The following IL4I1 variants were observed in gnomAD, a reference collection of about 807,000 sequenced individuals.
IL4I1 encodes interleukin 4 induced 1, also known as L-amino-acid oxidase.
IL4I1 carries 24 observed loss-of-function variants against 29.7 expected under a neutral mutation model. That is an observed-to-expected ratio of 0.81 (90% CI 0.59 to 1.14). The LOEUF (loss-of-function observed/expected upper bound fraction) is 1.14. Among genes scored for constraint, IL4I1 ranks in the 50% most tolerant of loss-of-function variants. IL4I1 has a pLI of 0.00. For missense variants in IL4I1, 686 were observed against 785.6 expected (o/e 0.87, Z 1.52); for synonymous variants, 371 against 352.5 (o/e 1.05, Z -0.59).
intron 2 of IL4I1, among the ~76,000 whole-genome samples, chr19:49,911,836 T>G (rs932779943): frequency 1.3e-5 from 2 of 152,112 alleles, no homozygotes; most frequent in Non-Finnish European, 2.9e-5. Flanking sequence ...CTGAGAAAGG[T>G]CTCTTCAAGA....
intron 5 of IL4I1, among the ~76,000 whole-genome samples, chr19:49,892,228 C>A (rs772825845): frequency 1.3e-5 from 2 of 151,928 alleles, no homozygotes; most frequent in African/African-American, 4.8e-5. Flanking sequence ...ATTACAGGCG[C>A]CTGCCACCAC....
Position 49,896,067 on chromosome 19 carries a change from G to A in IL4I1, c.14-14C>T, listed in dbSNP as rs538248911. On this transcript the variant is annotated splice_polypyrimidine_tract_variant and intron_variant, in intron 2 of 7. Coordinates refer to ENST00000391826, the MANE Select transcript of IL4I1 (RefSeq NM_152899.2). ...GGAGGTGCAGGGCTGGGAGGAGGAG[G>A]ACAGGGTCAACGGGGTTGTGGCAGG... 25 of 1,612,118 alleles carry A rather than the reference G, an allele frequency of 1.6e-5. No individual in the cohort carries two copies. In the South Asian group the frequency reaches 2.4e-4, roughly 16 times the overall value.
chr19:49,891,514 C>T (rs763394399), intron 5 of IL4I1, 41 bp from the exon 6 acceptor site: 2 of 1,592,514 alleles, frequency 1.3e-6, no homozygotes, highest in Non-Finnish European at 1.7e-6. Context: ...GCTGCCCGGG[C>T]AGCCAGGGTG....
intron 2 of IL4I1, chr19:49,908,617 C>T (rs201615834): frequency 1.2e-6 from 2 of 1,613,670 alleles, no homozygotes; most frequent in Non-Finnish European, 1.7e-6. Flanking sequence ...TCTGCTGGGA[C>T]AGGATGAAGT....
rs546844545 is a variant in IL4I1, at chr19:49,909,038, C to A, written c.-227-4717G>T. The A allele has an allele frequency of 8.1e-6, 13 of 1,613,126 alleles. No individual in the cohort carries two copies. In the African/African-American group the frequency reaches 1.1e-4, roughly 13 times the overall value. ...GGAAGCTGCTCCAGGTGCCTTTAAGCTGAAGCCCTGTGTCCCAGCAGTGGG... is the reference window on the plus strand; with the variant it reads ...GGAAGCTGCTCCAGGTGCCTTTAAGATGAAGCCCTGTGTCCCAGCAGTGGG... On this transcript the variant is annotated intron_variant, in intron 2 of 9. Coordinates refer to the IL4I1 transcript ENST00000341114.
chr19:49,908,300 G>A (rs2075368524), intron 2 of IL4I1: 3 of 1,613,886 alleles, frequency 1.9e-6, no homozygotes, highest in Non-Finnish European at 2.5e-6. Flanking sequence ...GCACACCTTG[G>A]TCACCTCCTC....
chr19:49,895,109 C>A lies in IL4I1; in HGVS notation c.324G>T (p.Trp108Cys). The A allele has an allele frequency of 6.2e-7, 1 of 1,613,870 alleles. No individual in the cohort carries two copies. Among genetic ancestry groups the A allele is most frequent in the Non-Finnish European group, 8.5e-7 (1 of 1,179,850 alleles). Residue 108 changes from tryptophan (W) to cysteine (C), a missense_variant, in exon 4 of 8, where the codon TGG (tryptophan) becomes TGT (cysteine). Transcript: ENST00000391826. ...TGCGCATGGCTCCCAGCTCCCCAAT[C>A]CAGCCCGTGTTCTGGTCCCGGTAGG... ...IFTYRDQNTG[W>C]IGELGAMRMP...
intron 2 of IL4I1, among the ~76,000 whole-genome samples, chr19:49,906,432 G>C (rs2075324845): frequency 6.6e-6 from 1 of 152,078 alleles, no homozygotes; most frequent in Non-Finnish European, 1.5e-5. Context: ...GGCTGGTCTT[G>C]AATCCCTGAC....
chr19:49,909,547 T>G, intron 2 of IL4I1: 1 of 1,613,868 alleles, frequency 6.2e-7, no homozygotes, highest in South Asian at 1.1e-5. Flanking sequence ...CCAAAGAAAA[T>G]CCAGTTCCCC....
At chr19:49,903,830 G>GT (rs113175852) in intron 3 of IL4I1, among the ~76,000 whole-genome samples, 12,996 of 66,234 alleles carry the variant, frequency 0.2, 3,574 homozygotes, top group South Asian at 0.34. Context: ...TATGTGCTGG[G>GT]TTTTTTTTTT....
chr19:49,907,175 G>A (rs897388579), intron 2 of IL4I1: 7 of 172,280 alleles, frequency 4.1e-5, no homozygotes, highest in Non-Finnish European at 2.5e-5. Flanking sequence ...ACAGCGAGAC[G>A]AGGCACAAAC....
intron 2 of IL4I1, among the ~76,000 whole-genome samples, chr19:49,915,162 G>A (rs1219854816): frequency 6.6e-6 from 1 of 152,094 alleles, no homozygotes; most frequent in African/African-American, 2.4e-5. Context: ...GTGTGTGGGG[G>A]GGTAGACAGA....
intron 2 of IL4I1, chr19:49,904,347 T>A (rs2075296820): frequency 6.6e-6 from 1 of 152,170 alleles, no homozygotes; most frequent in Non-Finnish European, 1.5e-5. Flanking sequence ...GAAATTACGA[T>A]GGAGCCATCA....
chr19:49,892,625 A>G (rs1458175915), intron 5 of IL4I1, among the ~76,000 whole-genome samples: 1 of 152,020 alleles, frequency 6.6e-6, no homozygotes, highest in Non-Finnish European at 1.5e-5. Flanking sequence ...CTTTGTTCGA[A>G]TCTCACCCCC....
Position 49,916,840 on chromosome 19 carries a change from G to A in IL4I1, c.-228+10854C>T, listed in dbSNP as rs1455183387. ...CCAGATAGAGGTGGGAGGATGACTT[G>A]AGCCCAGGAGTTTGAGGCTGCAGTG... On this transcript the variant is annotated intron_variant, in intron 2 of 9. Transcript: ENST00000341114. Among the ~76,000 whole-genome samples the A allele has an allele frequency of 3.3e-5, 5 of 152,186 alleles. No individual in the cohort carries two copies. The East Asian group carries it at 9.7e-4, about 29-fold the overall frequency.
intron 2 of IL4I1, chr19:49,907,901 T>C (rs1044276): frequency 0.19 from 81,673 of 424,726 alleles, 8,956 homozygotes; most frequent in South Asian, 0.26. Flanking sequence ...AGAGAGTGGC[T>C]GCCCCCACGA....
chr19:49,909,823 T>C (rs1185894508), intron 2 of IL4I1: 11 of 1,613,192 alleles, frequency 6.8e-6, no homozygotes, highest in Non-Finnish European at 8.5e-6. Flanking sequence ...CGGACTCTGG[T>C]GGCGGCAGCT....
At position 49,895,100 on chromosome 19, in the gene IL4I1, C is replaced by T. The variant is rs936401845; in HGVS notation, c.333G>A (p.Glu111=). 1 of 1,613,758 alleles carries T rather than the reference C, an allele frequency of 6.2e-7. No homozygotes were observed. Among genetic ancestry groups the T allele is most frequent in the South Asian group, 1.1e-5 (1 of 91,080 alleles). The change falls in exon 4 of 8, where the codon GAG becomes GAA. Residue 111 remains glutamate (E), a synonymous_variant. Coordinates refer to ENST00000391826, the MANE Select transcript of IL4I1 (RefSeq NM_152899.2). ...AGCTGGGCATGCGCATGGCTCCCAG[C>T]TCCCCAATCCAGCCCGTGTTCTGGT... The part of the protein sequence containing the change: ...YRDQNTGWIG[E]LGAMRMPSSH...
At chr19:49,927,188 C>G (rs79431416) in intron 2 of IL4I1, among the ~76,000 whole-genome samples, 1 of 151,974 alleles carries the variant, frequency 6.6e-6, no homozygotes, top group Non-Finnish European at 1.5e-5. Flanking sequence ...AATGCCACTT[C>G]GTACCACAGG....
Sources: allele counts gnomAD v4.1 joint callset (sites outside exome capture counted in the v4.1 genomes callset), GRCh38; gene constraint gnomAD v4.1.1; transcripts MANE v1.5; gene names NCBI Gene and HGNC (gene_info 2026-07-23, HGNC 2026-07-21).